The following TTC28 variants were observed in gnomAD, a reference collection of about 807,000 sequenced individuals.
TTC28 encodes tetratricopeptide repeat domain 28.
In TTC28, 61 loss-of-function variants were observed where a neutral mutation model predicts 198.0. The ratio of observed to expected loss-of-function variants is 0.31; its 90% CI spans 0.25 to 0.38. The LOEUF (loss-of-function observed/expected upper bound fraction) is 0.38. Ranked by LOEUF, TTC28 falls within the 10% of genes least tolerant of loss-of-function variation. TTC28 has a pLI of 1.00. For missense variants in TTC28, 2,678 were observed against 3,164.0 expected, an observed-to-expected ratio of 0.85 and a Z score of 3.69; for synonymous variants, 1,171 against 1,297.8, an observed-to-expected ratio of 0.90 and a Z score of 2.10.
intron 2 of TTC28, among the ~76,000 whole-genome samples, chr22:28,447,096 A>T (rs1264517872): frequency 1.3e-5 from 2 of 152,138 alleles, no homozygotes; most frequent in Non-Finnish European, 2.9e-5. Flanking sequence ...TTTCTTATAA[A>T]CCACTGTCTG....
chr22:28,677,636 C>G (rs1335994932), intron 1 of TTC28, among the ~76,000 whole-genome samples: 2 of 151,688 alleles, frequency 1.3e-5, no homozygotes, highest in African/African-American at 2.4e-5. Context: ...GAGACTCTGT[C>G]TCAAAAAAAT....
At chr22:28,390,976 G>T (rs1272017623) in intron 2 of TTC28, among the ~76,000 whole-genome samples, 1 of 152,190 alleles carries the variant, frequency 6.6e-6, no homozygotes, top group Non-Finnish European at 1.5e-5. Context: ...GCAGCGGCTG[G>T]TATCAGTTGT....
At chr22:28,256,115 CT>C (rs1443924243) in intron 5 of TTC28, among the ~76,000 whole-genome samples, 2 of 150,512 alleles carry the variant, frequency 1.3e-5, no homozygotes, top group African/African-American at 4.9e-5. Context: ...AGGTTGAGGC[CT>C]TTTAAAAAAA....
chr22:27,995,317 A>G (rs1202613998), intron 17 of TTC28, among the ~76,000 whole-genome samples: 1 of 152,180 alleles, frequency 6.6e-6, no homozygotes, highest in East Asian at 1.9e-4. Flanking sequence ...TGGCTGTGGC[A>G]TAACTGTTCA....
In TTC28 at chr22:28,480,842, T is replaced by A. The variant is rs563552804; in HGVS notation, c.381+148710A>T. On this transcript the variant is annotated intron_variant, in intron 2 of 22. Coordinates refer to ENST00000397906, the MANE Select transcript of TTC28 (RefSeq NM_001145418.2). ...GATAAAAGAGAAGGTAATTTGTGTATTTTCTATTTTCAAAATCATTAATTT... is the reference window on the plus strand; with the variant it reads ...GATAAAAGAGAAGGTAATTTGTGTAATTTCTATTTTCAAAATCATTAATTT... 1.5e-4 allele frequency among the ~76,000 whole-genome samples: 23 copies of A among 152,298 alleles called. No homozygotes were observed. The East Asian group carries it at 3.7e-3, about 24-fold the overall frequency.
At chr22:28,373,133 T>C (rs934540101) in intron 2 of TTC28, among the ~76,000 whole-genome samples, 8 of 152,176 alleles carry the variant, frequency 5.3e-5, no homozygotes, top group South Asian at 2.1e-4. Flanking sequence ...ACATTATTCA[T>C]TGGATCCTTT....
At chr22:28,403,781 C>T (rs1436846440) in intron 2 of TTC28, among the ~76,000 whole-genome samples, 1 of 152,178 alleles carries the variant, frequency 6.6e-6, no homozygotes, top group Admixed American at 6.5e-5. Flanking sequence ...AGGTTTTACT[C>T]GGTTTCTTGC....
chr22:28,513,580 G>A (rs926965482), intron 2 of TTC28, among the ~76,000 whole-genome samples: 2 of 151,936 alleles, frequency 1.3e-5, no homozygotes, highest in Admixed American at 6.6e-5. Context: ...TCCAGCCTGG[G>A]GAATAGAATG....
intron 12 of TTC28, among the ~76,000 whole-genome samples, chr22:28,083,072 T>C (rs75045907): frequency 7.4e-6 from 1 of 134,280 alleles, no homozygotes; most frequent in Non-Finnish European, 1.6e-5. Context: ...TGATGATTCA[T>C]TTTTTTTTTT....
At chr22:28,398,770 C>A (rs2146093898) in intron 2 of TTC28, among the ~76,000 whole-genome samples, 1 of 152,258 alleles carries the variant, frequency 6.6e-6, no homozygotes, top group Admixed American at 6.5e-5. Context: ...ACTTTGGAAC[C>A]TACCCCCCAA....
At chr22:28,275,969 A>G (rs1932393614) in intron 5 of TTC28, among the ~76,000 whole-genome samples, 1 of 152,148 alleles carries the variant, frequency 6.6e-6, no homozygotes, top group Admixed American at 6.6e-5. Flanking sequence ...GGACAGTTTT[A>G]TAGATGGCTA....
In TTC28 at chr22:28,107,271, C is replaced by T. The variant is rs1388017913; in HGVS notation, c.2574G>A (p.Glu858=). 1 of 1,551,786 alleles carries T rather than the reference C, an allele frequency of 6.4e-7. No homozygotes were observed. The highest frequency in any genetic ancestry group is 8.7e-7 in the Non-Finnish European group (1 of 1,147,000). The part of the protein sequence containing the change: ...NVMEEAIGYF[E]QQLAMLQQLS... Reference sequence around the variant, plus strand: ...GCTGCTGCAGCATGGCCAATTGCTGCTCAAAGTAGCCAATGGCTTCTTCCA... The same window carrying T: ...GCTGCTGCAGCATGGCCAATTGCTGTTCAAAGTAGCCAATGGCTTCTTCCA... Residue 858 remains glutamate, a synonymous_variant, in exon 7 of 23, where the codon GAG becomes GAA. Transcript: ENST00000397906.
chr22:28,320,412 C>A (rs900077880), intron 2 of TTC28, among the ~76,000 whole-genome samples: 1 of 152,106 alleles, frequency 6.6e-6, no homozygotes, highest in Non-Finnish European at 1.5e-5. Context: ...GAGAGAAACT[C>A]CAAGTGATGC....
chr22:28,015,307 G>A (rs1938322660), intron 13 of TTC28, among the ~76,000 whole-genome samples: 1 of 151,752 alleles, frequency 6.6e-6, no homozygotes, highest in South Asian at 2.1e-4. Context: ...CTGTGGCCTG[G>A]CCACTGTGGC....
chr22:28,444,228 T>C (rs146809082), intron 2 of TTC28, among the ~76,000 whole-genome samples: 3,039 of 152,296 alleles, frequency 0.02, 31 homozygotes, highest in Non-Finnish European at 0.027. Flanking sequence ...GGGAATATAA[T>C]GGGTAAACTA....
intron 2 of TTC28, among the ~76,000 whole-genome samples, chr22:28,392,210 C>T (rs1289413206): frequency 3.9e-5 from 6 of 152,176 alleles, no homozygotes; most frequent in East Asian, 1.9e-4. Flanking sequence ...CTCAGATCTC[C>T]AGCTGCTTGC....
chr22:28,038,073 C>T (rs112075703), intron 12 of TTC28, among the ~76,000 whole-genome samples: 3,121 of 152,210 alleles, frequency 0.021, 40 homozygotes, highest in Non-Finnish European at 0.029. Context: ...GAATCAATAT[C>T]GTGAAAATGG....
At chr22:28,377,796 A>T (rs978358078) in intron 2 of TTC28, among the ~76,000 whole-genome samples, 2 of 152,214 alleles carry the variant, frequency 1.3e-5, no homozygotes, top group African/African-American at 4.8e-5. Context: ...TCAACAAGGT[A>T]AAATTCACAA....
chr22:28,575,229 T>C (rs1439521733), intron 2 of TTC28, among the ~76,000 whole-genome samples: 3 of 152,352 alleles, frequency 2.0e-5, no homozygotes, highest in South Asian at 4.1e-4. Context: ...TCTAGTTTCA[T>C]CCTTCTCCAT....
Sources: allele counts gnomAD v4.1 joint callset (sites outside exome capture counted in the v4.1 genomes callset), GRCh38; gene constraint gnomAD v4.1.1; transcripts MANE v1.5; gene names NCBI Gene and HGNC (gene_info 2026-07-23, HGNC 2026-07-21).